Variants in PLCE1 observed in about 807,000 individuals in gnomAD.
PLCE1 encodes the protein 1-phosphatidylinositol 4,5-bisphosphate phosphodiesterase epsilon-1.
Under a neutral mutation model 242.8 loss-of-function variants are expected in PLCE1, and 119 were observed. The observed-to-expected ratio is 0.49, with a 90% CI of 0.42 to 0.57. The LOEUF is 0.57. PLCE1 is among the 20% of genes least tolerant of loss of function. PLCE1 has a pLI of 0.00. For missense variants in PLCE1, 2,441 were observed against 2,788.8 expected (o/e 0.88, Z 2.81); for synonymous variants, 945 against 1,017.4 (o/e 0.93, Z 1.35).
chr10:94,258,755 C>T (rs2132945845), intron 11 of PLCE1, 45 bp from the exon 12 acceptor site: 2 of 1,613,646 alleles, frequency 1.2e-6, no homozygotes, highest in East Asian at 4.5e-5. Flanking sequence ...AGAATCACAA[C>T]AGTGGCCTGC....
chr10:94,325,086 G>A lies in PLCE1; in HGVS notation c.*6G>A, dbSNP rs1345618929. The A allele has an allele frequency of 6.2e-7, 1 of 1,613,608 alleles. No individual in the cohort carries two copies. The highest frequency in any genetic ancestry group is 1.7e-5 in the Admixed American group (1 of 60,016). On this transcript the variant is annotated 3_prime_UTR_variant, in exon 32 of 33. Transcript: ENST00000371380. ...CAATGGATTACCGACAGTGACTAAG[G>A]GCAGCATGTTTAACCCAGGTATAGT...
At chr10:94,019,797 C>A (rs1425540253) in intron 1 of PLCE1, among the ~76,000 whole-genome samples, 1 of 152,198 alleles carries the variant, frequency 6.6e-6, no homozygotes, top group Non-Finnish European at 1.5e-5. Flanking sequence ...TGGCTTCTTT[C>A]ATGCAATGTG....
intron 4 of PLCE1, among the ~76,000 whole-genome samples, chr10:94,222,421 T>A (rs118152546): frequency 1.0e-3 from 152 of 152,270 alleles, no homozygotes; most frequent in Non-Finnish European, 1.8e-3. Context: ...TCCTGACAGG[T>A]CACCGACACT....
intron 4 of PLCE1, among the ~76,000 whole-genome samples, chr10:94,216,323 G>T (rs1409663839): frequency 6.6e-6 from 1 of 152,164 alleles, no homozygotes; most frequent in East Asian, 1.9e-4. Context: ...CAGAGCTGAG[G>T]AGGGACACGT....
intron 4 of PLCE1, among the ~76,000 whole-genome samples, chr10:94,209,691 G>T (rs2049272639): frequency 6.6e-6 from 1 of 152,090 alleles, no homozygotes; most frequent in South Asian, 2.1e-4. Flanking sequence ...GAACAGCAAG[G>T]GATATGTAAT....
chr10:94,071,500 T>TTTTTGTTTTTTTTGTTTTTTTG (rs1554848892), intron 2 of PLCE1, among the ~76,000 whole-genome samples: 1,493 of 130,772 alleles, frequency 0.011, 80 homozygotes, highest in African/African-American at 0.045. Context: ...TTTTCGTTTT[T>TTTTTGTTTTTTTTGTTTTTTTG]TTTTTTTTTT....
chr10:94,323,005 T>C (rs955651372), intron 30 of PLCE1, among the ~76,000 whole-genome samples: 4 of 152,168 alleles, frequency 2.6e-5, no homozygotes, highest in Admixed American at 2.0e-4. Context: ...TATTAATTCA[T>C]TCCTTCAACA....
intron 2 of PLCE1, chr10:94,096,374 A>G (rs2045308742): frequency 6.6e-6 from 1 of 152,178 alleles, no homozygotes; most frequent in Admixed American, 6.5e-5. Context: ...GATTTAATTG[A>G]CTCACGGTTC....
intron 2 of PLCE1, among the ~76,000 whole-genome samples, chr10:94,074,343 A>G (rs1358031224): frequency 6.6e-6 from 1 of 151,776 alleles, no homozygotes; most frequent in Non-Finnish European, 1.5e-5. Context: ...ACAGATGTAC[A>G]CCACCACACC....
intron 32 of PLCE1, among the ~76,000 whole-genome samples, chr10:94,327,111 G>C (rs922026946): frequency 6.6e-6 from 1 of 151,934 alleles, no homozygotes; most frequent in Non-Finnish European, 1.5e-5. Context: ...GCAGTGAGCC[G>C]AGATTGCGCC....
chr10:94,207,933 T>C (rs1452387186), intron 4 of PLCE1, among the ~76,000 whole-genome samples: 4 of 152,102 alleles, frequency 2.6e-5, no homozygotes, highest in African/African-American at 9.7e-5. Context: ...AACAAATAAA[T>C]GGAAGACAAG....
intron 4 of PLCE1, among the ~76,000 whole-genome samples, chr10:94,172,576 C>T (rs1376854653): frequency 6.6e-6 from 1 of 152,090 alleles, no homozygotes; most frequent in African/African-American, 2.4e-5. Flanking sequence ...CCTGTAATCC[C>T]AGTGCTTTAG....
At chr10:94,001,277 T>C (rs2060925745) in intron 1 of PLCE1, among the ~76,000 whole-genome samples, 3 of 152,200 alleles carry the variant, frequency 2.0e-5, no homozygotes, top group Admixed American at 2.0e-4. Context: ...TTCTTAGTAG[T>C]GGCATCACTG....
chr10:94,046,263 G>T (rs1011037792), intron 2 of PLCE1, among the ~76,000 whole-genome samples: 4 of 152,202 alleles, frequency 2.6e-5, no homozygotes, highest in South Asian at 2.1e-4. Context: ...ATACAGAGCA[G>T]CCATGGGGTC....
chr10:94,033,164 C>T (rs932139977), intron 2 of PLCE1, among the ~76,000 whole-genome samples: 4 of 151,726 alleles, frequency 2.6e-5, no homozygotes, highest in Admixed American at 6.6e-5. Flanking sequence ...CTTTGGTGTT[C>T]GAGGGGGTAG....
At chr10:94,076,132 CGTGTGTGT>C (rs747481933) in intron 2 of PLCE1, among the ~76,000 whole-genome samples, 3 of 147,030 alleles carry the variant, frequency 2.0e-5, no homozygotes, top group African/African-American at 7.5e-5. Context: ...TGTGTGCGTG[CGTGTGTGT>C]GTGTGTGTGT....
chr10:94,197,596 C>T (rs566525189), intron 4 of PLCE1, among the ~76,000 whole-genome samples: 2 of 152,316 alleles, frequency 1.3e-5, no homozygotes, highest in South Asian at 4.1e-4. Flanking sequence ...AGTATCTTTT[C>T]ACCTGCTTAT....
At chr10:94,229,187 AC>A (rs2050055741) in intron 5 of PLCE1, among the ~76,000 whole-genome samples, 1 of 113,720 alleles carries the variant, frequency 8.8e-6, no homozygotes, top group Non-Finnish European at 1.8e-5. Context: ...GTATCAAAAA[AC>A]AAAACAAACA....
At chr10:94,250,038 T>C (rs2050819496) in intron 8 of PLCE1, among the ~76,000 whole-genome samples, 1 of 152,084 alleles carries the variant, frequency 6.6e-6, no homozygotes, top group African/African-American at 2.4e-5. Context: ...TGCATGGATA[T>C]TTTTTAAGGA....
Sources: gnomAD v4.1 joint callset for allele counts (sites outside exome capture counted in the v4.1 genomes callset) on GRCh38, gnomAD v4.1.1 for gene constraint, MANE v1.5 for transcripts, NCBI Gene and HGNC (gene_info 2026-07-23, HGNC 2026-07-21) for gene names.